The following PFKFB3 variants were observed in gnomAD, a reference collection of about 807,000 sequenced individuals.
PFKFB3 encodes the protein 6-phosphofructo-2-kinase/fructose-2,6-bisphosphatase 3.
PFKFB3 carries 33 observed loss-of-function variants against 68.0 expected under a neutral mutation model. That is an observed-to-expected ratio of 0.49 (90% CI 0.37 to 0.65). PFKFB3 has a LOEUF of 0.65. Ranked by LOEUF, PFKFB3 falls within the 30% of genes least tolerant of loss-of-function variation. PFKFB3 has a pLI of 0.00. For missense variants in PFKFB3, 586 were observed against 712.2 expected (o/e 0.82, Z 2.02); for synonymous variants, 315 against 288.2 (o/e 1.09, Z -0.94).
chr10:6,309,290 G>A, the PFKFB3 span, among the ~76,000 whole-genome samples: 3 of 152,114 alleles, frequency 2.0e-5, no homozygotes, highest in Non-Finnish European at 4.4e-5. Flanking sequence ...TTCGCTGGGC[G>A]TGGTGGCTGA....
At chr10:6,176,340 G>C (rs1022396128) in intron 1 of PFKFB3, among the ~76,000 whole-genome samples, 5 of 152,198 alleles carry the variant, frequency 3.3e-5, no homozygotes, top group African/African-American at 7.2e-5. Flanking sequence ...GGTGGGGGTT[G>C]CATAGGCATG....
rs1844368543 is a variant in PFKFB3, at chr10:6,213,543, G to C, written c.77-80G>C. On this transcript the variant is annotated intron_variant, in intron 1 of 14. Coordinates refer to ENST00000379775, the MANE Select transcript of PFKFB3 (RefSeq NM_004566.4). ...AAAACATTTTTGGTGAAATTCTTCAGTGTTATTGTTGGGTGTGGCCTCTGC... is the reference window on the plus strand; with the variant it reads ...AAAACATTTTTGGTGAAATTCTTCACTGTTATTGTTGGGTGTGGCCTCTGC... The C allele has an allele frequency of 2.0e-6, 3 of 1,485,520 alleles. No individual in the cohort carries two copies. In the Middle Eastern group the frequency reaches 5.3e-4, roughly 263 times the overall value. 92.0% of individuals were successfully genotyped at this position (1,485,520 alleles called of 1,614,324 possible). A position where few individuals can be genotyped will look rare whatever the true frequency, so the allele number is the denominator to read the frequency against.
intron 1 of PFKFB3, among the ~76,000 whole-genome samples, chr10:6,203,847 CTG>C (rs1212439988): frequency 6.6e-6 from 1 of 152,240 alleles, no homozygotes; most frequent in Admixed American, 6.5e-5. Context: ...ATATATGTCT[CTG>C]TTTTTCTCTG....
At chr10:6,305,716 T>A in the PFKFB3 span, among the ~76,000 whole-genome samples, 1 of 152,218 alleles carries the variant, frequency 6.6e-6, no homozygotes, top group Non-Finnish European at 1.5e-5. Context: ...ACTTTCCTGG[T>A]TACTTTATCT....
chr10:6,184,726 C>A (rs6602501), intron 1 of PFKFB3, among the ~76,000 whole-genome samples: 92,865 of 148,632 alleles, frequency 0.62, 29,386 homozygotes, highest in Non-Finnish European at 0.69. Context: ...CCTGCCTCGG[C>A]CTCCCAAAGT....
the PFKFB3 span, among the ~76,000 whole-genome samples, chr10:6,261,098 G>A: frequency 6.6e-5 from 10 of 152,212 alleles, no homozygotes; most frequent in African/African-American, 1.9e-4. Context: ...GTACGTAGTG[G>A]TGGTATCTCT....
intron 1 of PFKFB3, among the ~76,000 whole-genome samples, chr10:6,188,935 C>T (rs377727967): frequency 1.3e-5 from 2 of 150,408 alleles, no homozygotes; most frequent in East Asian, 3.9e-4. Context: ...CCCAGGTTCA[C>T]GCCATTCTCC....
chr10:6,281,523 A>G, the PFKFB3 span, among the ~76,000 whole-genome samples: 1 of 152,100 alleles, frequency 6.6e-6, no homozygotes, highest in Non-Finnish European at 1.5e-5. Context: ...CATCTTCCAT[A>G]GAGGCTCAGA....
At chr10:6,160,530 A>G (rs565463877) in intron 1 of PFKFB3, among the ~76,000 whole-genome samples, 1 of 152,260 alleles carries the variant, frequency 6.6e-6, no homozygotes, top group East Asian at 1.9e-4. Flanking sequence ...CCAGCCTGGC[A>G]AACACAGTGA....
intron 1 of PFKFB3, among the ~76,000 whole-genome samples, chr10:6,159,398 T>TAA (rs140761926): frequency 7.0e-6 from 1 of 143,486 alleles, no homozygotes; most frequent in Non-Finnish European, 1.5e-5. Flanking sequence ...CTGTCTTAAT[T>TAA]AAAAAAAACA....
At chr10:6,286,545 T>G in the PFKFB3 span, among the ~76,000 whole-genome samples, 1 of 152,082 alleles carries the variant, frequency 6.6e-6, no homozygotes, top group African/African-American at 2.4e-5. Context: ...GCCCAGTTAA[T>G]TTTTGTATTT....
At chr10:6,252,813 A>G (rs1846409305) in intron 14 of PFKFB3, among the ~76,000 whole-genome samples, 1 of 152,260 alleles carries the variant, frequency 6.6e-6, no homozygotes, top group African/African-American at 2.4e-5. Context: ...CACTAGAAGG[A>G]TACATAGCAC....
At chr10:6,216,047 G>C (rs769070410) in intron 3 of PFKFB3, 78 bp from the exon 4 acceptor site, 3 of 1,222,808 alleles carry the variant, frequency 2.5e-6, no homozygotes, top group Non-Finnish European at 3.6e-6. Flanking sequence ...CTGCTTGTCG[G>C]GGCGTGTCGG....
chr10:6,194,612 G>A (rs1241805662), intron 1 of PFKFB3, among the ~76,000 whole-genome samples: 1 of 152,196 alleles, frequency 6.6e-6, no homozygotes, highest in Non-Finnish European at 1.5e-5. Flanking sequence ...CTAGCCAGTA[G>A]CGCCATCTGA....
chr10:6,220,303 A>G lies in PFKFB3; in HGVS notation c.624-355A>G, dbSNP rs1263634796. Among the ~76,000 whole-genome samples the G allele has an allele frequency of 6.6e-6, 1 of 151,724 alleles. No homozygotes were observed. The highest frequency in any genetic ancestry group is 1.5e-5 in the Non-Finnish European group (1 of 67,958). ...TCTTTAGTAGAGATGAGGTCTTGCTATGTTGCCCAGGCTGGTCTTGAACTT... is the reference window on the plus strand; with the variant it reads ...TCTTTAGTAGAGATGAGGTCTTGCTGTGTTGCCCAGGCTGGTCTTGAACTT... On this transcript the variant is annotated intron_variant, in intron 7 of 14. Coordinates refer to ENST00000379775, the MANE Select transcript of PFKFB3 (RefSeq NM_004566.4). This position sits in a 1 kb window ranked among gnomAD's most constrained non-coding sequence, Gnocchi z 4.1.
intron 1 of PFKFB3, chr10:6,146,542 A>G (rs1298044733): frequency 6.6e-7 from 1 of 1,506,720 alleles, no homozygotes; most frequent in African/African-American, 1.4e-5. Flanking sequence ...GGAGGCTCTC[A>G]GAGTGTCCCT....
intron 1 of PFKFB3, among the ~76,000 whole-genome samples, chr10:6,177,882 G>A (rs1020352971): frequency 1.3e-5 from 2 of 152,150 alleles, no homozygotes; most frequent in South Asian, 2.1e-4. Flanking sequence ...CACCACTGAC[G>A]GCCTGGGGCA....
chr10:6,307,403 A>G, the PFKFB3 span, among the ~76,000 whole-genome samples: 1 of 151,910 alleles, frequency 6.6e-6, no homozygotes, highest in African/African-American at 2.4e-5. Context: ...GGAGAACGCA[A>G]TCAGGATGTA....
chr10:6,240,575 T>C (rs1348247722), intron 14 of PFKFB3, among the ~76,000 whole-genome samples: 1 of 152,122 alleles, frequency 6.6e-6, no homozygotes, highest in East Asian at 1.9e-4. Flanking sequence ...GAAATAATTT[T>C]AGATTTACAG....
Sources: gnomAD v4.1 joint callset for allele counts (sites outside exome capture counted in the v4.1 genomes callset) on GRCh38, gnomAD v4.1.1 for gene constraint, Gnocchi (gnomAD v3.1) non-coding constraint, MANE v1.5 for transcripts, NCBI Gene and HGNC (gene_info 2026-07-23, HGNC 2026-07-21) for gene names.